Variants in CEP128 observed in about 807,000 individuals in gnomAD.
CEP128 encodes centrosomal protein 128.
In CEP128, 132 loss-of-function variants were observed where a neutral mutation model predicts 156.7. The observed-to-expected ratio is 0.84, with a 90% confidence interval of 0.73 to 0.97. The LOEUF (loss-of-function observed/expected upper bound fraction) is 0.97. CEP128 is among the 50% of genes least tolerant of loss of function. The pLI, the probability that CEP128 is intolerant of heterozygous loss-of-function variation, is 0.00. For synonymous variants in CEP128, 469 were observed against 448.9 expected (o/e 1.04, Z -0.57); for missense variants, 1,252 against 1,281.9 (o/e 0.98, Z 0.36).
intron 2 of CEP128, among the ~76,000 whole-genome samples, chr14:80,925,849 A>T (rs1163572238): frequency 6.6e-6 from 1 of 151,740 alleles, no homozygotes; most frequent in East Asian, 1.9e-4. Context: ...TCCATGATAC[A>T]CTCTCCCACT....
chr14:80,512,262 G>T (rs180928086), intron 23 of CEP128, among the ~76,000 whole-genome samples: 1 of 151,972 alleles, frequency 6.6e-6, no homozygotes, highest in East Asian at 1.9e-4. Flanking sequence ...CCAGTGTTGG[G>T]TGCATATATT....
chr14:80,777,896 G>A lies in CEP128; in HGVS notation c.2362C>T (p.Gln788Ter), dbSNP rs1161756281. ...LKLKYQCLKD[Q>*]LEEREKHISI... ...CATATTTTTACCCTTTCTTCTAGTT[G>A]ATCCTTCAAACATTGATATTTTAGC... is the stretch of plus-strand genomic sequence containing the variant. The change falls in exon 16 of 25, where the codon CAA becomes TAA. Residue 788 changes from glutamine (Q) to a stop codon, truncating the protein, a stop_gained. Transcript: ENST00000555265. LOFTEE classifies it high-confidence loss of function. 1 of 1,604,482 alleles carries A rather than the reference G, an allele frequency of 6.2e-7. No homozygotes were observed. Among genetic ancestry groups the A allele is most frequent in the Non-Finnish European group, 8.5e-7 (1 of 1,173,332 alleles).
chr14:80,498,724 C>T (rs1037740146), intron 24 of CEP128, among the ~76,000 whole-genome samples: 7 of 152,176 alleles, frequency 4.6e-5, no homozygotes, highest in African/African-American at 1.7e-4. Flanking sequence ...CACCAATCAC[C>T]ATTTTAAATG....
At chr14:80,755,927 G>A (rs1009121732) in intron 18 of CEP128, among the ~76,000 whole-genome samples, 1 of 152,158 alleles carries the variant, frequency 6.6e-6, no homozygotes, top group African/African-American at 2.4e-5. Flanking sequence ...AATGATAAGG[G>A]AAAACTGCTC....
intron 21 of CEP128, among the ~76,000 whole-genome samples, chr14:80,542,935 C>G (rs1418077123): frequency 6.6e-6 from 1 of 152,090 alleles, no homozygotes; most frequent in Non-Finnish European, 1.5e-5. Flanking sequence ...AAATAAAGGG[C>G]TATTTTCTTT....
chr14:80,803,745 C>T (rs1280191174), intron 13 of CEP128, among the ~76,000 whole-genome samples: 1 of 152,102 alleles, frequency 6.6e-6, no homozygotes, highest in African/African-American at 2.4e-5. Flanking sequence ...AAGAATGACC[C>T]CAAGATAAGG....
At chr14:80,818,235 T>A (rs1884974967) in intron 13 of CEP128, among the ~76,000 whole-genome samples, 1 of 152,132 alleles carries the variant, frequency 6.6e-6, no homozygotes, top group Non-Finnish European at 1.5e-5. Flanking sequence ...CCCAGGTTGG[T>A]CTTGAACTCC....
chr14:80,887,818 C>T (rs1035292810), intron 8 of CEP128, among the ~76,000 whole-genome samples: 7 of 151,824 alleles, frequency 4.6e-5, no homozygotes, highest in Non-Finnish European at 8.8e-5. Flanking sequence ...AAAAAACCTT[C>T]GAAAAATCAA....
intron 20 of CEP128, among the ~76,000 whole-genome samples, chr14:80,561,021 A>G (rs1890648892): frequency 6.6e-6 from 1 of 152,218 alleles, no homozygotes. Flanking sequence ...AGGGACCCAC[A>G]TAGACCTATG....
chr14:80,797,849 C>A (rs971648721), intron 13 of CEP128, among the ~76,000 whole-genome samples: 19 of 152,072 alleles, frequency 1.2e-4, no homozygotes, highest in Non-Finnish European at 2.9e-5. Flanking sequence ...TTTCCTAATG[C>A]ACTACATGAA....
Position 80,903,605 on chromosome 14 carries a change from C to G in CEP128, c.480+1208G>C, listed in dbSNP as rs144501361. On this transcript the variant is annotated intron_variant, in intron 6 of 24. Coordinates refer to ENST00000555265, the MANE Select transcript of CEP128 (RefSeq NM_152446.5). ...AAATATCTGCAAACCATATGTCTGACAAGGCGTTAATATCCAAAATATATA... is the reference window on the plus strand; with the variant it reads ...AAATATCTGCAAACCATATGTCTGAGAAGGCGTTAATATCCAAAATATATA... Among the ~76,000 whole-genome samples the G allele has an allele frequency of 4.0e-5, 6 of 150,638 alleles. No individual in the cohort carries two copies. The East Asian group carries it at 1.2e-3, about 29-fold the overall frequency.
intron 22 of CEP128, 94 bp from the exon 23 acceptor site, chr14:80,527,076 A>C: frequency 1.6e-6 from 1 of 622,832 alleles, no homozygotes; most frequent in Admixed American, 2.8e-5. Flanking sequence ...TGTAGATAAA[A>C]ATGAAAATAA....
intron 19 of CEP128, among the ~76,000 whole-genome samples, chr14:80,580,761 C>T (rs1891557198): frequency 6.6e-6 from 1 of 152,010 alleles, no homozygotes; most frequent in South Asian, 2.1e-4. Context: ...CAATGCAACA[C>T]AAAATTTCCT....
chr14:80,890,585 A>G (rs910058214), intron 8 of CEP128, among the ~76,000 whole-genome samples: 3 of 152,106 alleles, frequency 2.0e-5, no homozygotes, highest in African/African-American at 7.2e-5. Context: ...ATGAGAACAC[A>G]TGGACACAGA....
At chr14:80,615,007 C>T (rs1255856256) in intron 19 of CEP128, among the ~76,000 whole-genome samples, 1 of 152,136 alleles carries the variant, frequency 6.6e-6, no homozygotes, top group Non-Finnish European at 1.5e-5. Flanking sequence ...TCTTATTTGA[C>T]TTTGTATCAT....
At chr14:80,845,858 A>G (rs1886573977) in intron 9 of CEP128, among the ~76,000 whole-genome samples, 1 of 152,200 alleles carries the variant, frequency 6.6e-6, no homozygotes, top group Non-Finnish European at 1.5e-5. Flanking sequence ...AATGGGCTTT[A>G]TAAACAGATG....
intron 19 of CEP128, among the ~76,000 whole-genome samples, chr14:80,625,339 T>C (rs1283884553): frequency 6.6e-6 from 1 of 152,192 alleles, no homozygotes; most frequent in South Asian, 2.1e-4. Flanking sequence ...CACATTATTT[T>C]GGTTAATGTA....
chr14:80,665,061 T>G (rs1019841597), intron 19 of CEP128, among the ~76,000 whole-genome samples: 1 of 152,230 alleles, frequency 6.6e-6, no homozygotes, highest in Non-Finnish European at 1.5e-5. Context: ...AAAGAAAATT[T>G]GAATTTCTGA....
chr14:80,845,976 T>C (rs1470143520), intron 9 of CEP128, among the ~76,000 whole-genome samples: 3 of 152,178 alleles, frequency 2.0e-5, no homozygotes, highest in East Asian at 3.8e-4. Context: ...CAGTCTATTG[T>C]CAGGCAGCTG....
Sources: allele counts gnomAD v4.1 joint callset (sites outside exome capture counted in the v4.1 genomes callset), GRCh38; gene constraint gnomAD v4.1.1; transcripts MANE v1.5; gene names NCBI Gene and HGNC (gene_info 2026-07-23, HGNC 2026-07-21).